Variants in ALPK3 observed in about 807,000 individuals in gnomAD.
ALPK3 encodes alpha kinase 3, also known as alpha-protein kinase 3.
In ALPK3, 102 loss-of-function variants were observed where a neutral mutation model predicts 140.0. The ratio of observed to expected loss-of-function variants is 0.73; its 90% CI spans 0.62 to 0.86. The LOEUF (loss-of-function observed/expected upper bound fraction) is 0.86. ALPK3 is among the 40% of genes least tolerant of loss of function. ALPK3 has a pLI of 0.00. For missense variants in ALPK3, 2,254 were observed against 2,208.2 expected (o/e 1.02, Z -0.42); for synonymous variants, 938 against 898.5 (o/e 1.04, Z -0.79).
In ALPK3 at chr15:84,840,055, A is replaced by G. The variant is rs781233652; in HGVS notation, c.776A>G (p.Gln259Arg). Reference protein sequence around the residue: ...AWQEGETETAQHSGLGLINSF... With the variant: ...AWQEGETETARHSGLGLINSF... Reference sequence around the variant, plus strand: ...CAGGAGGGAGAGACTGAGACTGCTCAGCACTCAGGTTTGGGCCTGATCAAC... The same window carrying G: ...CAGGAGGGAGAGACTGAGACTGCTCGGCACTCAGGTTTGGGCCTGATCAAC... Residue 259 changes from glutamine to arginine, a missense_variant, in exon 5 of 14, where the codon CAG becomes CGG. Coordinates refer to ENST00000258888, the MANE Select transcript of ALPK3 (RefSeq NM_020778.5). 1 of 1,614,140 alleles carries G rather than the reference A, an allele frequency of 6.2e-7. No homozygotes were observed. Among genetic ancestry groups the G allele is most frequent in the Non-Finnish European group, 8.5e-7 (1 of 1,180,002 alleles).
At position 84,871,905 on chromosome 15, in the gene ALPK3, G is replaced by C. The variant is rs1365703831; in HGVS notation, c.*3449G>C. 6.6e-6 allele frequency: 1 copy of C among 152,278 alleles called. No homozygotes were observed. Among genetic ancestry groups the C allele is most frequent in the Non-Finnish European group, 1.5e-5 (1 of 68,062 alleles). The allele number at this position is 152,278 out of a possible 1,614,324, so 9.4% of individuals were successfully genotyped here. On this transcript the variant is annotated 3_prime_UTR_variant, in exon 14 of 14. Coordinates refer to ENST00000258888, the MANE Select transcript of ALPK3 (RefSeq NM_020778.5). Reference sequence around the variant, plus strand: ...GGCATTTGAGAATTCCATGGATATTGATGGCAGGAGAGGCATGATGGGTTA... The same window carrying C: ...GGCATTTGAGAATTCCATGGATATTCATGGCAGGAGAGGCATGATGGGTTA...
chr15:84,858,766 C>T (rs1457667983), intron 6 of ALPK3, among the ~76,000 whole-genome samples: 7 of 152,156 alleles, frequency 4.6e-5, no homozygotes, highest in South Asian at 2.1e-4. Context: ...ATAACAGTAC[C>T]GCCTTTGCAA....
At chr15:84,828,728 C>T (rs75783811) in intron 3 of ALPK3, among the ~76,000 whole-genome samples, 8,829 of 152,288 alleles carry the variant, frequency 0.058, 376 homozygotes, top group Non-Finnish European at 0.091. Flanking sequence ...TTGTCTGTTT[C>T]CATTGTCATT....
Position 84,856,384 on chromosome 15 carries a change from G to T in ALPK3, c.1654-8G>T. On this transcript the variant is annotated splice_region_variant and splice_polypyrimidine_tract_variant and intron_variant, in intron 5 of 13. Coordinates refer to ENST00000258888, the MANE Select transcript of ALPK3 (RefSeq NM_020778.5). ...GTTAAATCCTTGCTTTTGTCCCTCTGTTTTCAGGTCCTGGAATGCCAGACA... is the reference window on the plus strand; with the variant it reads ...GTTAAATCCTTGCTTTTGTCCCTCTTTTTTCAGGTCCTGGAATGCCAGACA... 2 of 1,580,752 alleles carry T rather than the reference G, an allele frequency of 1.3e-6. No homozygotes were observed. The highest frequency in any genetic ancestry group is 1.7e-6 in the Non-Finnish European group (2 of 1,166,958).
chr15:84,859,089 T>C (rs1963905648), intron 6 of ALPK3, among the ~76,000 whole-genome samples, 154 bp from the exon 7 acceptor site: 2 of 152,120 alleles, frequency 1.3e-5, no homozygotes, highest in African/African-American at 2.4e-5. Context: ...GCCTGAGATA[T>C]AGGCAGGAGG....
chr15:84,843,368 T>C (rs2141559079), intron 5 of ALPK3, among the ~76,000 whole-genome samples: 1 of 152,280 alleles, frequency 6.6e-6, no homozygotes, highest in African/African-American at 2.4e-5. Flanking sequence ...CTTGGGTGGC[T>C]GAGGCAGGAG....
intron 5 of ALPK3, among the ~76,000 whole-genome samples, chr15:84,844,730 A>G (rs1276059587): frequency 5.3e-5 from 8 of 152,074 alleles, no homozygotes; most frequent in Admixed American, 4.6e-4. Context: ...GGTGATGCAC[A>G]TCTGTAATCC....
chr15:84,839,719 C>CCG lies in ALPK3; in HGVS notation c.442_443dup (p.Ile149ProfsTer25). ...ACCTCTAGGTGTCGAGAAGAAGATG[C>CCG]CGCCATCTACCAGGCCTCTGCCCAG... On this transcript the variant is annotated frameshift_variant, in exon 5 of 14. Transcript: ENST00000258888. LOFTEE classifies it high-confidence loss of function. The CCG allele has an allele frequency of 6.2e-7, 1 of 1,604,718 alleles. No individual in the cohort carries two copies. The highest frequency in any genetic ancestry group is 1.1e-5 in the South Asian group (1 of 90,448).
Position 84,858,311 on chromosome 15 carries a change from T to C in ALPK3, c.3573T>C (p.Val1191=), listed in dbSNP as rs764015643. The stretch of plus-strand genomic sequence containing the variant: ...CTGAAGAAAGGGAGAGCCCCACGGT[T>C]TCCCCCCGGGGGCCCAGGAAAAGCC... ...TTPEERESPT[V]SPRGPRKSLV... The change falls in exon 6 of 14, where the codon GTT becomes GTC. Residue 1191 remains valine, a synonymous_variant. Coordinates refer to ENST00000258888, the MANE Select transcript of ALPK3 (RefSeq NM_020778.5). 6 of 1,567,986 alleles carry C rather than the reference T, an allele frequency of 3.8e-6. No homozygotes were observed. The highest frequency in any genetic ancestry group is 5.2e-6 in the Non-Finnish European group (6 of 1,156,602).
Position 84,858,225 on chromosome 15 carries a change from G to T in ALPK3, c.3487G>T (p.Ala1163Ser), listed in dbSNP as rs372770939. ...AATPEELALG[A>S]RRKRFLPKVR... Reference sequence around the variant, plus strand: ...TACACCTGAGGAACTGGCTCTAGGGGCCCGGAGGAAGAGATTTCTCCCTAA... The same window carrying T: ...TACACCTGAGGAACTGGCTCTAGGGTCCCGGAGGAAGAGATTTCTCCCTAA... The change falls in exon 6 of 14, where the codon GCC becomes TCC. Residue 1163 changes from alanine to serine, a missense_variant. Coordinates refer to ENST00000258888, the MANE Select transcript of ALPK3 (RefSeq NM_020778.5). 1.2e-6 allele frequency: 2 copies of T among 1,611,080 alleles called. No homozygotes were observed. The highest frequency in any genetic ancestry group is 1.3e-5 in the African/African-American group (1 of 74,810).
In ALPK3 at chr15:84,839,032, C is replaced by T; in HGVS notation, c.357C>T (p.Arg119=). Residue 119 remains arginine, a synonymous_variant, in exon 4 of 14, where the codon CGC becomes CGT. Transcript: ENST00000258888. ...TWYKDDTELD[R]YCGLPKYEIT... is the part of the protein sequence containing the mutation. ...ACAAGGATGATACGGAGCTGGACCG[C>T]TACTGTGGCTTGCCAAAATATGAGA... The T allele has an allele frequency of 6.2e-7, 1 of 1,613,858 alleles. No individual in the cohort carries two copies. Among genetic ancestry groups the T allele is most frequent in the Middle Eastern group, 1.7e-4 (1 of 6,060 alleles).
In ALPK3 at chr15:84,858,473, C is replaced by G; in HGVS notation, c.3735C>G (p.Gly1245=). Residue 1245 remains glycine, a synonymous_variant, in exon 6 of 14, where the codon GGC becomes GGG. Transcript: ENST00000258888. ...AGDLGPSPKA[G]GLDTEVALDE... ...ACCTGGGCCCCAGCCCCAAGGCCGG[C>G]GGTCTGGACACAGAGGTGGCCCTGG... 1.3e-6 allele frequency: 2 copies of G among 1,573,192 alleles called. No individual in the cohort carries two copies. Among genetic ancestry groups the G allele is most frequent in the South Asian group, 1.2e-5 (1 of 86,248 alleles).
At chr15:84,823,431 C>A in intron 2 of ALPK3, 63 bp downstream of exon 2, 1 of 1,574,018 alleles carries the variant, frequency 6.4e-7, no homozygotes, top group Non-Finnish European at 8.7e-7. Flanking sequence ...CATTGAGGGG[C>A]CACTGAGTGT....
intron 12 of ALPK3, among the ~76,000 whole-genome samples, chr15:84,866,726 G>A (rs921730106): frequency 3.3e-5 from 5 of 152,234 alleles, no homozygotes; most frequent in African/African-American, 9.6e-5. Context: ...GCAGAAGCCA[G>A]TCTTCTGTAG....
rs751517194 is a variant in ALPK3, at chr15:84,857,638, T to C, written c.2900T>C (p.Leu967Pro). Residue 967 changes from leucine (L) to proline (P), a missense_variant, in exon 6 of 14, where the codon CTG becomes CCG. By Grantham distance (98) the Leu-to-Pro change is moderately conservative (BLOSUM62 -3). Coordinates refer to ENST00000258888, the MANE Select transcript of ALPK3 (RefSeq NM_020778.5). ...IDSLKNYLLL[L>P]LKLSSTETSG... ...TCCCTGAAGAACTACCTGCTTCTGC[T>C]GCTGAAGCTGTCCAGCACAGAGACA... The C allele has an allele frequency of 6.3e-7, 1 of 1,588,964 alleles. No individual in the cohort carries two copies.
intron 9 of ALPK3, among the ~76,000 whole-genome samples, chr15:84,861,202 C>T (rs1225675561): frequency 3.3e-5 from 5 of 152,190 alleles, no homozygotes; most frequent in African/African-American, 1.2e-4. Context: ...AACAGTTCCT[C>T]CTACTTTATT....
In ALPK3 at chr15:84,836,070, C is replaced by T. The variant is rs78212565; in HGVS notation, c.305-2910C>T. Among the ~76,000 whole-genome samples the T allele has an allele frequency of 7.3e-4, 111 of 152,308 alleles. 3 individuals carry two copies. The East Asian group carries it at 0.019, about 26-fold the overall frequency. On this transcript the variant is annotated intron_variant, in intron 3 of 13. Transcript: ENST00000258888. ...AATGTAGTAAGAGGAATAGCAAGTG[C>T]CTGGGAGACAGCATTGCTGCTTTAC... is the stretch of plus-strand genomic sequence containing the variant.
At chr15:84,819,669 A>T (rs1415154046) in intron 1 of ALPK3, among the ~76,000 whole-genome samples, 1 of 152,158 alleles carries the variant, frequency 6.6e-6, no homozygotes, top group Admixed American at 6.5e-5. Flanking sequence ...TTTGCCAGCT[A>T]TGTTGGCTCC....
In ALPK3 at chr15:84,864,541, G is replaced by A. The variant is rs370286340; in HGVS notation, c.4599G>A (p.Arg1533=). The A allele has an allele frequency of 1.8e-5, 29 of 1,614,204 alleles. No homozygotes were observed. The highest frequency in any genetic ancestry group is 2.2e-5 in the Non-Finnish European group (26 of 1,180,032). The change falls in exon 12 of 14, where the codon CGG becomes CGA. Residue 1533 remains arginine, a synonymous_variant. Transcript: ENST00000258888. ...LGKPLESYCS[R]EWGCAEAPTA... ...AGCCCCTGGAGTCTTACTGTTCTCGGGAATGGGGCTGTGCTGAGGCTCCGA... is the reference window on the plus strand; with the variant it reads ...AGCCCCTGGAGTCTTACTGTTCTCGAGAATGGGGCTGTGCTGAGGCTCCGA...
Sources: allele counts gnomAD v4.1 joint callset (sites outside exome capture counted in the v4.1 genomes callset), GRCh38; gene constraint gnomAD v4.1.1; transcripts MANE v1.5; gene names NCBI Gene and HGNC (gene_info 2026-07-23, HGNC 2026-07-21).